Variants in NAALADL2 observed in about 807,000 individuals in gnomAD.
The protein encoded by NAALADL2 is N-acetylated alpha-linked acidic dipeptidase like 2.
In NAALADL2, 76 loss-of-function variants were observed where a neutral mutation model predicts 87.2. The ratio of observed to expected loss-of-function variants is 0.87; its 90% CI spans 0.72 to 1.05. The LOEUF is 1.05. Ranked by LOEUF, NAALADL2 falls within the 50% of genes least tolerant of loss-of-function variation. NAALADL2 has a pLI of 0.00. For synonymous variants in NAALADL2, 354 were observed against 331.0 expected (o/e 1.07, Z -0.75); for missense variants, 1,089 against 945.8 (o/e 1.15, Z -1.99).
At chr3:175,538,457 A>G (rs1335164187) in intron 9 of NAALADL2, among the ~76,000 whole-genome samples, 2 of 152,152 alleles carry the variant, frequency 1.3e-5, no homozygotes, top group African/African-American at 4.8e-5. Context: ...ATTAAGAAAT[A>G]TAATGGTGTC....
intron 9 of NAALADL2, among the ~76,000 whole-genome samples, chr3:175,536,992 T>C (rs1734913590): frequency 6.6e-6 from 1 of 151,832 alleles, no homozygotes; most frequent in African/African-American, 2.4e-5. Context: ...AAAAAAAAAA[T>C]ACCTAAATAA....
Position 175,627,359 on chromosome 3 carries a change from T to A in NAALADL2, c.1869T>A (p.Ser623=). The change falls in exon 11 of 14, where the codon TCT becomes TCA. Residue 623 remains serine (S), a synonymous_variant. Transcript: ENST00000454872. ...RATKIEEMDP[S]FNLHETITKL... ...CAAAAATTGAAGAAATGGATCCCTC[T>A]TTCAACCTTCATGAAACCATTACTA... is the stretch of plus-strand genomic sequence containing the variant. 1 of 1,563,882 alleles carries A rather than the reference T, an allele frequency of 6.4e-7. No individual in the cohort carries two copies. The highest frequency in any genetic ancestry group is 8.7e-7 in the Non-Finnish European group (1 of 1,151,884).
chr3:175,745,687 G>T (rs1745828769), intron 12 of NAALADL2, among the ~76,000 whole-genome samples: 1 of 152,094 alleles, frequency 6.6e-6, no homozygotes, highest in South Asian at 2.1e-4. Flanking sequence ...TCCAAAAAAT[G>T]CATTTAGAAT....
intron 1 of NAALADL2, among the ~76,000 whole-genome samples, chr3:175,006,902 T>C (rs1560467466): frequency 6.6e-6 from 1 of 151,424 alleles, no homozygotes; most frequent in Non-Finnish European, 1.5e-5. Context: ...GTATATAGCT[T>C]TGTAAGGAGG....
chr3:174,903,846 A>C (rs896155294), intron 1 of NAALADL2, among the ~76,000 whole-genome samples: 32 of 149,466 alleles, frequency 2.1e-4, no homozygotes, highest in Admixed American at 1.3e-3. Flanking sequence ...CATTTTTATC[A>C]TCATCATCAT....
chr3:174,786,458 A>T (rs1462699970), intron 3 of NAALADL2, among the ~76,000 whole-genome samples: 17 of 137,246 alleles, frequency 1.2e-4, no homozygotes, highest in African/African-American at 3.8e-4. Flanking sequence ...TCAAAAAAAA[A>T]AAAAAAAATA....
At chr3:175,283,871 G>A (rs540108148) in intron 4 of NAALADL2, among the ~76,000 whole-genome samples, 4 of 152,034 alleles carry the variant, frequency 2.6e-5, no homozygotes, top group East Asian at 3.9e-4. Context: ...TATACCAAAC[G>A]TTCTAATCTT....
intron 12 of NAALADL2, among the ~76,000 whole-genome samples, chr3:175,749,861 T>C (rs1349801433): frequency 6.6e-6 from 1 of 152,184 alleles, no homozygotes; most frequent in Non-Finnish European, 1.5e-5. Flanking sequence ...TTAGAAGCTT[T>C]AAATGGATAA....
At chr3:175,430,876 A>G (rs1284563427) in intron 5 of NAALADL2, among the ~76,000 whole-genome samples, 4 of 152,050 alleles carry the variant, frequency 2.6e-5, no homozygotes, top group African/African-American at 4.8e-5. Flanking sequence ...CTTATGGATA[A>G]CCACTTAATT....
intron 2 of NAALADL2, among the ~76,000 whole-genome samples, chr3:174,555,321 G>A (rs548763406): frequency 1.3e-5 from 2 of 152,004 alleles, no homozygotes; most frequent in South Asian, 4.2e-4. Context: ...ATTTTTTTGA[G>A]AGAGTCTCAC....
intron 1 of NAALADL2, among the ~76,000 whole-genome samples, chr3:175,011,642 C>A (rs1417555274): frequency 1.3e-5 from 2 of 152,100 alleles, no homozygotes; most frequent in African/African-American, 2.4e-5. Flanking sequence ...TAAAAGTTTT[C>A]TCTTTGGCTT....
At chr3:175,522,027 G>A (rs1237425390) in intron 9 of NAALADL2, among the ~76,000 whole-genome samples, 1 of 152,022 alleles carries the variant, frequency 6.6e-6, no homozygotes, top group Non-Finnish European at 1.5e-5. Flanking sequence ...ATTTAAAAAT[G>A]TCTTTCCCAT....
chr3:174,869,969 C>T (rs1727602089), intron 1 of NAALADL2, among the ~76,000 whole-genome samples: 1 of 140,008 alleles, frequency 7.1e-6, no homozygotes, highest in Non-Finnish European at 1.5e-5. Context: ...GCACCCCATC[C>T]TGGGCAACAA....
At chr3:175,537,244 C>T (rs1042993608) in intron 9 of NAALADL2, among the ~76,000 whole-genome samples, 4 of 152,146 alleles carry the variant, frequency 2.6e-5, no homozygotes, top group Non-Finnish European at 5.9e-5. Context: ...TGCCGCTTCT[C>T]AAAATATATT....
intron 2 of NAALADL2, among the ~76,000 whole-genome samples, chr3:175,155,580 CTTA>C (rs1385132815): frequency 6.6e-6 from 1 of 151,756 alleles, no homozygotes; most frequent in African/African-American, 2.4e-5. Context: ...TCTTTTTTTT[CTTA>C]TTAATGATCT....
chr3:175,581,779 G>A (rs912878164), intron 10 of NAALADL2, among the ~76,000 whole-genome samples: 1 of 152,146 alleles, frequency 6.6e-6, no homozygotes, highest in African/African-American at 2.4e-5. Context: ...ATCCTTGAAG[G>A]TCTCTGGCCC....
intron 2 of NAALADL2, among the ~76,000 whole-genome samples, chr3:174,563,371 T>G (rs1250226343): frequency 6.6e-6 from 1 of 151,552 alleles, no homozygotes; most frequent in East Asian, 1.9e-4. Flanking sequence ...CTTAGAAATT[T>G]TATGAGATAA....
intron 5 of NAALADL2, among the ~76,000 whole-genome samples, chr3:175,362,187 T>A: frequency 6.8e-6 from 1 of 147,746 alleles, no homozygotes; most frequent in Non-Finnish European, 1.5e-5. Context: ...AGATGTGTGG[T>A]ATTATTTCTG....
intron 1 of NAALADL2, among the ~76,000 whole-genome samples, chr3:175,086,859 A>G (rs1056269827): frequency 6.6e-6 from 1 of 152,180 alleles, no homozygotes; most frequent in South Asian, 2.1e-4. Context: ...TTATTGCTAG[A>G]TTATTTATCA....
Sources: allele counts gnomAD v4.1 joint callset (sites outside exome capture counted in the v4.1 genomes callset), GRCh38; gene constraint gnomAD v4.1.1; transcripts MANE v1.5; gene names NCBI Gene and HGNC (gene_info 2026-07-23, HGNC 2026-07-21).